Variants in POT1 observed in about 807,000 individuals in gnomAD.
POT1 encodes the protein protection of telomeres protein 1.
Under a neutral mutation model 78.5 loss-of-function variants are expected in POT1, and 47 were observed. That is an observed-to-expected ratio of 0.60 (90% CI 0.47 to 0.76). The LOEUF (loss-of-function observed/expected upper bound fraction) is 0.76, where lower values mean the gene tolerates loss of function less well. POT1 is among the 30% of genes least tolerant of loss of function. The pLI is 0.00. For synonymous variants in POT1, 259 were observed against 260.7 expected (o/e 0.99, Z 0.06); for missense variants, 646 against 749.9 (o/e 0.86, Z 1.62).
chr7:124,858,438 C>G (rs947511056), intron 9 of POT1, among the ~76,000 whole-genome samples: 8 of 152,092 alleles, frequency 5.3e-5, no homozygotes, highest in African/African-American at 1.9e-4. Flanking sequence ...TAATGTATTT[C>G]AGAAGACAGT....
chr7:124,842,788 T>A lies in POT1; in HGVS notation c.1163+19A>T. On this transcript the variant is annotated intron_variant, in intron 13 of 18. Transcript: ENST00000357628. Reference sequence around the variant, plus strand: ...ACAAATAATATGAAAACGTTTGTTTTATTATGGAAAATACTCACAGCAAAT... The same window carrying A: ...ACAAATAATATGAAAACGTTTGTTTAATTATGGAAAATACTCACAGCAAAT... 1 of 1,577,098 alleles carries A rather than the reference T, an allele frequency of 6.3e-7. No homozygotes were observed. The highest frequency in any genetic ancestry group is 2.3e-5 in the East Asian group (1 of 44,202).
At chr7:124,923,712 C>A (rs767021905) in intron 2 of POT1, among the ~76,000 whole-genome samples, 1 of 151,054 alleles carries the variant, frequency 6.6e-6, no homozygotes, top group Non-Finnish European at 1.5e-5. Flanking sequence ...AAAAGGACTT[C>A]ATCATACACA....
chr7:124,916,980 A>C (rs1046041111), intron 2 of POT1, among the ~76,000 whole-genome samples: 6 of 152,138 alleles, frequency 3.9e-5, no homozygotes, highest in South Asian at 2.1e-4. Flanking sequence ...GCAAAAAAAA[A>C]CATGTCAATC....
chr7:124,911,376 T>C (rs1250611788), intron 3 of POT1, among the ~76,000 whole-genome samples: 1 of 152,152 alleles, frequency 6.6e-6, no homozygotes, highest in African/African-American at 2.4e-5. Flanking sequence ...TTTCCTAGTG[T>C]CCTTCCCTGA....
intron 6 of POT1, among the ~76,000 whole-genome samples, chr7:124,890,410 T>A (rs1470859879): frequency 6.6e-6 from 1 of 151,956 alleles, no homozygotes; most frequent in Non-Finnish European, 1.5e-5. Context: ...AGACTTAGAA[T>A]ATTCCATAAA....
intron 7 of POT1, among the ~76,000 whole-genome samples, chr7:124,868,379 T>G (rs2116558970): frequency 6.6e-6 from 1 of 152,222 alleles, no homozygotes; most frequent in East Asian, 1.9e-4. Context: ...AACATAAAAT[T>G]AAATAAGAAG....
At chr7:124,915,255 C>A (rs2116696754) in intron 3 of POT1, among the ~76,000 whole-genome samples, 1 of 152,248 alleles carries the variant, frequency 6.6e-6, no homozygotes, top group South Asian at 2.1e-4. Context: ...TACAAAGTAG[C>A]CCTTCCTAGC....
intron 8 of POT1, among the ~76,000 whole-genome samples, chr7:124,861,374 C>T (rs1278774870): frequency 6.6e-6 from 1 of 152,176 alleles, no homozygotes; most frequent in Non-Finnish European, 1.5e-5. Context: ...AACTTCTTTT[C>T]ATATGTCTGT....
intron 7 of POT1, among the ~76,000 whole-genome samples, chr7:124,869,362 G>A (rs553492337): frequency 4.6e-5 from 7 of 152,258 alleles, no homozygotes; most frequent in Non-Finnish European, 1.0e-4. Flanking sequence ...GAAGTTTCCA[G>A]AGTGTTAGCT....
At chr7:124,879,315 T>C (rs913308693) in intron 6 of POT1, among the ~76,000 whole-genome samples, 2 of 152,006 alleles carry the variant, frequency 1.3e-5, no homozygotes, top group African/African-American at 2.4e-5. Context: ...TATTGCAAGG[T>C]AGAAGCTGAA....
chr7:124,877,224 C>T (rs1796009327), intron 6 of POT1, among the ~76,000 whole-genome samples: 1 of 152,160 alleles, frequency 6.6e-6, no homozygotes, highest in Non-Finnish European at 1.5e-5. Context: ...AAAAAGACAA[C>T]AAATCAATGG....
intron 9 of POT1, among the ~76,000 whole-genome samples, chr7:124,854,763 C>T (rs1385477595): frequency 6.6e-6 from 1 of 151,878 alleles, no homozygotes; most frequent in Non-Finnish European, 1.5e-5. Flanking sequence ...TAATTTTCCT[C>T]ATAGTCTTCA....
intron 9 of POT1, among the ~76,000 whole-genome samples, chr7:124,853,822 A>G (rs1441048518): frequency 6.6e-6 from 1 of 152,068 alleles, no homozygotes; most frequent in Non-Finnish European, 1.5e-5. Flanking sequence ...ATTATAGACC[A>G]CTGAGATTTT....
chr7:124,844,309 A>C (rs919601985), intron 12 of POT1, among the ~76,000 whole-genome samples: 3 of 151,362 alleles, frequency 2.0e-5, no homozygotes, highest in Admixed American at 2.0e-4. Flanking sequence ...TTGTACTTCT[A>C]GTAGAAACGG....
intron 6 of POT1, among the ~76,000 whole-genome samples, chr7:124,890,656 C>A (rs953665639): frequency 6.6e-6 from 1 of 151,778 alleles, no homozygotes; most frequent in Non-Finnish European, 1.5e-5. Flanking sequence ...ACCAGCAAAA[C>A]GATGATAACT....
At chr7:124,834,779 A>G (rs1794849927) in intron 15 of POT1, among the ~76,000 whole-genome samples, 1 of 152,218 alleles carries the variant, frequency 6.6e-6, no homozygotes. Context: ...ATTCTGCTAT[A>G]AAGACACATG....
At chr7:124,872,257 T>C (rs1032290856) in intron 6 of POT1, among the ~76,000 whole-genome samples, 1 of 152,194 alleles carries the variant, frequency 6.6e-6, no homozygotes, top group Non-Finnish European at 1.5e-5. Flanking sequence ...TCTATGCCTA[T>C]TGTGAATAAG....
intron 6 of POT1, among the ~76,000 whole-genome samples, chr7:124,886,342 C>T (rs942946329): frequency 8.6e-5 from 13 of 152,014 alleles, no homozygotes; most frequent in Non-Finnish European, 1.8e-4. Context: ...AAAAGTACTG[C>T]TTTAGGTAAT....
intron 2 of POT1, among the ~76,000 whole-genome samples, chr7:124,927,196 A>G (rs1213772763): frequency 6.6e-6 from 1 of 152,218 alleles, no homozygotes; most frequent in Non-Finnish European, 1.5e-5. Context: ...CTGAAAAATG[A>G]ATTTGCTCTT....
Sources: gnomAD v4.1 joint callset for allele counts (sites outside exome capture counted in the v4.1 genomes callset) on GRCh38, gnomAD v4.1.1 for gene constraint, MANE v1.5 for transcripts, NCBI Gene and HGNC (gene_info 2026-07-23, HGNC 2026-07-21) for gene names.